GRB7: variants seen among roughly 807,000 people sequenced by gnomAD.
The protein encoded by GRB7 is growth factor receptor bound protein 7, also known as growth factor receptor-bound protein 7.
Under a neutral mutation model 64.1 loss-of-function variants are expected in GRB7, and 47 were observed. That is an observed-to-expected ratio of 0.73 (90% CI 0.58 to 0.94). GRB7 has a LOEUF of 0.94. GRB7 is among the 40% of genes least tolerant of loss of function. The pLI is 0.00. For missense variants in GRB7, 634 were observed against 718.4 expected, an observed-to-expected ratio of 0.88 and a Z score of 1.34; for synonymous variants, 277 against 279.9, an observed-to-expected ratio of 0.99 and a Z score of 0.10.
At chr17:39,744,711 G>A in intron 8 of GRB7, 48 bp downstream of exon 8, 1 of 1,501,674 alleles carries the variant, frequency 6.7e-7, no homozygotes. Flanking sequence ...AGCAGGAACT[G>A]CTCAGGCCCC....
intron 14 of GRB7, 60 bp from the exon 15 acceptor site, chr17:39,746,691 A>G: frequency 6.3e-7 from 1 of 1,579,018 alleles, no homozygotes; most frequent in Non-Finnish European, 8.7e-7. Context: ...CTGGCCCAGG[A>G]GGGAGCTTCC....
chr17:39,744,128 C>T lies in GRB7; in HGVS notation c.722C>T (p.Ser241Leu), dbSNP rs781387442. 5.6e-6 allele frequency: 9 copies of T among 1,614,180 alleles called. No homozygotes were observed. The South Asian group carries it at 8.8e-5, about 16-fold the overall frequency. The change falls in exon 7 of 15, where the codon TCA (serine) becomes TTA (leucine). Residue 241 changes from serine (S) to leucine (L), a missense_variant. This residue lies in a region of GRB7 where 467 missense variants were observed against 576.6 expected (regional missense o/e 0.81). Coordinates refer to ENST00000309156, the MANE Select transcript of GRB7 (RefSeq NM_005310.5). ...EIQGFLQLRG[S>L]GRKLWKRFFC... ...CAGGGCTTTCTGCAGCTGCGGGGTT[C>T]AGGACGGAAGCTTTGGAAACGCTTT...
rs1179759627 is a variant in GRB7 at position 39,742,916 on chromosome 17, G to A, written c.325G>A (p.Glu109Lys). The change falls in exon 4 of 15, where the codon GAG becomes AAG. Residue 109 changes from glutamate to lysine, a missense_variant. Physicochemically the swap from Glu to Lys is moderately conservative, Grantham distance 56 (BLOSUM62 1). Transcript: ENST00000309156. Reference protein sequence around the residue: ...SRPHVVKVYSEDGACRSVEVA... With the variant: ...SRPHVVKVYSKDGACRSVEVA... ...GGCGCAGGTAGTAAAGGTGTACAGT[G>A]AGGATGGGGCCTGCAGGTCTGTGGA... is the stretch of plus-strand genomic sequence containing the variant. 2 of 1,604,028 alleles carry A rather than the reference G, an allele frequency of 1.2e-6. No individual in the cohort carries two copies.
In GRB7 at chr17:39,744,985, G is replaced by A. The variant is rs2060031327; in HGVS notation, c.1011+1G>A. The A allele has an allele frequency of 6.2e-7, 1 of 1,611,880 alleles. No homozygotes were observed. The highest frequency in any genetic ancestry group is 1.1e-5 in the South Asian group (1 of 91,000). Reference sequence around the variant, plus strand: ...GCTGGCTGCCTTCCGCCTCTTCAAGGTGAGACCCTGGGAGTGGCATGGGGG... The same window carrying A: ...GCTGGCTGCCTTCCGCCTCTTCAAGATGAGACCCTGGGAGTGGCATGGGGG... On this transcript the variant is annotated splice_donor_variant, in intron 9 of 14. Transcript: ENST00000309156. LOFTEE classifies it high-confidence loss of function.
chr17:39,743,176 C>G lies in GRB7; in HGVS notation c.464-4C>G, dbSNP rs1227814068. 6.2e-7 allele frequency: 1 copy of G among 1,614,022 alleles called. No homozygotes were observed. The highest frequency in any genetic ancestry group is 1.7e-5 in the Admixed American group (1 of 60,010). On this transcript the variant is annotated splice_region_variant and splice_polypyrimidine_tract_variant and intron_variant, in intron 4 of 14. Transcript: ENST00000309156. ...TAACCCCTGCTTTTTGCCCTTGTCC[C>G]CAGAGCGGGGTTTGGAGGACCACGA...
chr17:39,746,185 CATT>C lies in GRB7; in HGVS notation c.1438_1440del (p.Tyr480del). ...TTTGTGCCACCTGCAGAAAGTGAAG[CATT>C]ATCTCATCCTGCCGGTGAGCTTCCC... On this transcript the variant is annotated inframe_deletion, in exon 14 of 15. Transcript: ENST00000309156. 1 of 1,613,802 alleles carries C rather than the reference CATT, an allele frequency of 6.2e-7. No individual in the cohort carries two copies. Among genetic ancestry groups the C allele is most frequent in the Non-Finnish European group, 8.5e-7 (1 of 1,179,758 alleles).
intron 11 of GRB7, 66 bp downstream of exon 11, chr17:39,745,604 TAGG>T: frequency 6.4e-7 from 1 of 1,563,404 alleles, no homozygotes. Context: ...ATCCCTGAAA[TAGG>T]AGGGAGGAAG....
chr17:39,740,994 G>A (rs149443353), intron 1 of GRB7, among the ~76,000 whole-genome samples: 20 of 152,136 alleles, frequency 1.3e-4, no homozygotes, highest in East Asian at 1.9e-4. Context: ...GTCTCAGCCC[G>A]GCCAAAGGGG....
intron 12 of GRB7, 29 bp downstream of exon 12, chr17:39,745,817 G>A: frequency 6.2e-7 from 1 of 1,613,800 alleles, no homozygotes; most frequent in Non-Finnish European, 8.5e-7. Flanking sequence ...TCCTGGGGCG[G>A]GGGCTGCCTC....
At position 39,742,613 on chromosome 17, in the gene GRB7, C is replaced by G; in HGVS notation, c.203C>G (p.Pro68Arg). The G allele has an allele frequency of 6.2e-7, 1 of 1,613,788 alleles. No homozygotes were observed. The highest frequency in any genetic ancestry group is 8.5e-7 in the Non-Finnish European group (1 of 1,179,898). ...ERRATSLPSI[P>R]NPFPELCSPP... ...CGTGCCACCTCCCTCCCCTCTATCC[C>G]CAACCCCTTCCCTGAGCTCTGCAGT... The change falls in exon 3 of 15, where the codon CCC becomes CGC. Residue 68 changes from proline (P) to arginine (R), a missense_variant. Physicochemically the swap from Pro to Arg is moderately radical, Grantham distance 103. Around this residue, in one of 2 missense-constraint regions of GRB7, gnomAD observed 167 missense variants for 141.9 expected, o/e 1.18. Transcript: ENST00000309156.
chr17:39,746,971 C>G lies in GRB7; in HGVS notation c.*74C>G. 6.7e-7 allele frequency: 1 copy of G among 1,502,616 alleles called. No homozygotes were observed. The allele number at this position is 1,502,616 out of a possible 1,614,324, so 93.1% of individuals were successfully genotyped here. ...CGCCCCTCCACCCATCCAGTGGACT[C>G]TGGGGCGCGGCCACAGGGGACGGGA... is the stretch of plus-strand genomic sequence containing the variant. On this transcript the variant is annotated 3_prime_UTR_variant, in exon 15 of 15. Transcript: ENST00000309156.
chr17:39,744,167 G>T lies in GRB7; in HGVS notation c.761G>T (p.Arg254Leu). ...TGGAAACGCTTTTTCTGCTTCTTGC[G>T]CCGATCTGGCCTCTATTACTCCACC... ...KLWKRFFCFL[R>L]RSGLYYSTKG... The change falls in exon 7 of 15, where the codon CGC (arginine) becomes CTC (leucine). Residue 254 changes from arginine (R) to leucine (L), a missense_variant. Coordinates refer to ENST00000309156, the MANE Select transcript of GRB7 (RefSeq NM_005310.5). The T allele has an allele frequency of 1.2e-6, 2 of 1,613,982 alleles. No homozygotes were observed. The highest frequency in any genetic ancestry group is 1.7e-6 in the Non-Finnish European group (2 of 1,180,004).
In GRB7 at chr17:39,742,693, C is replaced by T. The variant is rs753848469; in HGVS notation, c.283C>T (p.Pro95Ser). 5 of 1,571,094 alleles carry T rather than the reference C, an allele frequency of 3.2e-6. No homozygotes were observed. The highest frequency in any genetic ancestry group is 4.5e-5 in the East Asian group (2 of 44,482). The change falls in exon 3 of 15, where the codon CCC (proline) becomes TCC (serine). Residue 95 changes from proline (P) to serine (S), a missense_variant. Physicochemically the swap from Pro to Ser is moderately conservative, Grantham distance 74. Transcript: ENST00000309156. ...CCCCTCCAGTGCAAGGGGGCTGCTCCCCCGCGATGCCAGCCGCCCCCATGT... is the reference window on the plus strand; with the variant it reads ...CCCCTCCAGTGCAAGGGGGCTGCTCTCCCGCGATGCCAGCCGCCCCCATGT... ...GGPSSARGLLPRDASRPHVVK... is the reference protein window; with the variant it reads ...GGPSSARGLLSRDASRPHVVK...
chr17:39,745,666 G>T, intron 11 of GRB7, 62 bp from the exon 12 acceptor site: 2 of 1,585,506 alleles, frequency 1.3e-6, no homozygotes, highest in South Asian at 1.1e-5. Flanking sequence ...CTACCTTCCT[G>T]AGGTGCTGGG....
chr17:39,745,922 G>A lies in GRB7; in HGVS notation c.1280G>A (p.Arg427His), dbSNP rs779232294. The A allele has an allele frequency of 1.5e-5, 25 of 1,613,956 alleles. No individual in the cohort carries two copies. Among genetic ancestry groups the A allele is most frequent in the Admixed American group, 5.0e-5 (3 of 60,012 alleles). Residue 427 changes from arginine to histidine, a missense_variant, in exon 13 of 15, where the codon CGC becomes CAC. Arg to His is a conservative substitution (Grantham distance 29, BLOSUM62 0). Coordinates refer to ENST00000309156, the MANE Select transcript of GRB7 (RefSeq NM_005310.5). Reference protein sequence around the residue: ...SGTSLSAAIHRTQLWFHGRIS... With the variant: ...SGTSLSAAIHHTQLWFHGRIS... ...TCCTTCCCCACCACAGCCATCCACC[G>A]CACCCAACTCTGGTTCCACGGGCGC...
chr17:39,746,119 G>A lies in GRB7; in HGVS notation c.1369G>A (p.Val457Ile). 1 of 1,614,060 alleles carries A rather than the reference G, an allele frequency of 6.2e-7. No homozygotes were observed. Among genetic ancestry groups the A allele is most frequent in the Admixed American group, 1.7e-5 (1 of 60,016 alleles). Residue 457 changes from valine to isoleucine, a missense_variant, in exon 14 of 15, where the codon GTC becomes ATC. Around this residue, in one of 2 missense-constraint regions of GRB7, gnomAD observed 467 missense variants for 576.6 expected, o/e 0.81. Transcript: ENST00000309156. ...QQGLVDGLFL[V>I]RESQRNPQGF... ...CCTGTCTTCTGGCAGCCTGTTCCTGGTCCGGGAGAGTCAGCGGAACCCCCA... is the reference window on the plus strand; with the variant it reads ...CCTGTCTTCTGGCAGCCTGTTCCTGATCCGGGAGAGTCAGCGGAACCCCCA...
Position 39,744,907 on chromosome 17 carries a change from C to T in GRB7, c.934C>T (p.His312Tyr), listed in dbSNP as rs2060030224. 6.2e-7 allele frequency: 1 copy of T among 1,614,084 alleles called. No homozygotes were observed. Among genetic ancestry groups the T allele is most frequent in the Non-Finnish European group, 8.5e-7 (1 of 1,179,974 alleles). Residue 312 changes from histidine to tyrosine, a missense_variant, in exon 9 of 15, where the codon CAC becomes TAC. Coordinates refer to ENST00000309156, the MANE Select transcript of GRB7 (RefSeq NM_005310.5). ...GCAGCCCAACAAGCTTCGAAATGGC[C>T]ACAAGGGGCTTCGGATCTTCTGCAG... ...CVKPNKLRNGHKGLRIFCSED... is the reference protein window; with the variant it reads ...CVKPNKLRNGYKGLRIFCSED...
intron 6 of GRB7, 94 bp downstream of exon 6, chr17:39,743,564 G>A: frequency 2.0e-6 from 2 of 993,954 alleles, no homozygotes; most frequent in Non-Finnish European, 1.6e-6. Flanking sequence ...CCTCTATGTT[G>A]TAGAAAGAGC....
In GRB7 at chr17:39,745,307, T is replaced by C; in HGVS notation, c.1076T>C (p.Leu359Ser). 6.2e-7 allele frequency: 1 copy of C among 1,610,690 alleles called. No individual in the cohort carries two copies. ...TCTCGCCATCTGCATCCATCTTGTTTGGGCTCCCCACCCTTGGTGAGTGTG... is the reference window on the plus strand; with the variant it reads ...TCTCGCCATCTGCATCCATCTTGTTCGGGCTCCCCACCCTTGGTGAGTGTG... ...AQSRHLHPSCLGSPPLRSASD... is the reference protein window; with the variant it reads ...AQSRHLHPSCSGSPPLRSASD... The change falls in exon 10 of 15, where the codon TTG (leucine) becomes TCG (serine). Residue 359 changes from leucine (L) to serine (S), a missense_variant. Transcript: ENST00000309156.
Sources: allele counts gnomAD v4.1 joint callset (sites outside exome capture counted in the v4.1 genomes callset), GRCh38; gene constraint gnomAD v4.1.1; regional missense constraint gnomAD v4.1.1; transcripts MANE v1.5; gene names NCBI Gene and HGNC (gene_info 2026-07-23, HGNC 2026-07-21).